STK39: variants seen among roughly 807,000 people sequenced by gnomAD.
STK39 encodes the protein STE20/SPS1-related proline-alanine-rich protein kinase.
Under a neutral mutation model 77.8 loss-of-function variants are expected in STK39, and 20 were observed. The ratio of observed to expected loss-of-function variants is 0.26; its 90% CI spans 0.18 to 0.37. The LOEUF (loss-of-function observed/expected upper bound fraction) is 0.37. STK39 is among the 10% of genes least tolerant of loss of function. The probability of loss-of-function intolerance (pLI) is 1.00; values close to 1 mark genes in which losing one functional copy is unlikely to be tolerated. For synonymous variants in STK39, 246 were observed against 234.1 expected (o/e 1.05, Z -0.47); for missense variants, 479 against 656.5 (o/e 0.73, Z 2.95).
intron 10 of STK39, among the ~76,000 whole-genome samples, chr2:168,114,309 A>G (rs2105475737): frequency 6.6e-6 from 1 of 152,342 alleles, no homozygotes; most frequent in South Asian, 2.1e-4. Context: ...AAAATAAAAG[A>G]CAATTCTCAC....
intron 16 of STK39, among the ~76,000 whole-genome samples, chr2:168,003,278 AC>A (rs1684047067): frequency 1.3e-5 from 2 of 152,132 alleles, no homozygotes; most frequent in African/African-American, 2.4e-5. Flanking sequence ...GCCTGGCCCA[AC>A]TGCTGAATAT....
At chr2:168,234,798 AG>A (rs1173821510) in intron 1 of STK39, among the ~76,000 whole-genome samples, 6 of 150,682 alleles carry the variant, frequency 4.0e-5, no homozygotes, top group African/African-American at 1.2e-4. Context: ...TAAAGACATA[AG>A]ATTTTTACTG....
intron 16 of STK39, among the ~76,000 whole-genome samples, chr2:167,998,213 T>G (rs756026189): frequency 2.0e-5 from 3 of 152,224 alleles, no homozygotes; most frequent in Non-Finnish European, 4.4e-5. Context: ...GCCCCAGCCC[T>G]CTATCCGGTT....
intron 16 of STK39, among the ~76,000 whole-genome samples, chr2:167,979,943 T>C (rs190111299): frequency 1.3e-5 from 2 of 152,346 alleles, no homozygotes; most frequent in Admixed American, 6.5e-5. Flanking sequence ...AGGTCTTATT[T>C]ACTTATGCTA....
intron 16 of STK39, among the ~76,000 whole-genome samples, chr2:167,965,986 C>T (rs1046534251): frequency 8.5e-5 from 13 of 152,106 alleles, no homozygotes; most frequent in Admixed American, 6.6e-5. Context: ...CTCAATATGG[C>T]CTATTTCTCT....
intron 14 of STK39, among the ~76,000 whole-genome samples, chr2:168,055,969 A>C (rs1211921360): frequency 1.3e-5 from 2 of 152,190 alleles, no homozygotes; most frequent in Non-Finnish European, 2.9e-5. Context: ...ATGATAATTC[A>C]ATTTTTTTGA....
intron 1 of STK39, among the ~76,000 whole-genome samples, chr2:168,236,075 T>C (rs1690598451): frequency 6.6e-6 from 1 of 151,790 alleles, no homozygotes; most frequent in East Asian, 1.9e-4. Flanking sequence ...CCACCAACAG[T>C]GTAAAAGTGT....
chr2:168,040,868 G>C (rs1337493547), intron 14 of STK39, among the ~76,000 whole-genome samples: 3 of 152,112 alleles, frequency 2.0e-5, no homozygotes, highest in Non-Finnish European at 4.4e-5. Flanking sequence ...CCTTGTTATA[G>C]AGTAAGCACT....
chr2:168,036,351 C>A (rs1318682431), intron 14 of STK39, among the ~76,000 whole-genome samples: 1 of 151,858 alleles, frequency 6.6e-6, no homozygotes, highest in African/African-American at 2.4e-5. Flanking sequence ...TACAAGGACT[C>A]CATCAGAGTC....
At chr2:168,073,622 T>G (rs1443564643) in intron 12 of STK39, among the ~76,000 whole-genome samples, 1 of 151,804 alleles carries the variant, frequency 6.6e-6, no homozygotes, top group Non-Finnish European at 1.5e-5. Context: ...AGGTCTCTGA[T>G]CAAAGCTTAT....
At chr2:168,098,303 T>C (rs989312924) in intron 10 of STK39, among the ~76,000 whole-genome samples, 2 of 152,154 alleles carry the variant, frequency 1.3e-5, no homozygotes, top group African/African-American at 4.8e-5. Flanking sequence ...GTCAGCACAA[T>C]CATTTTATAC....
At chr2:168,078,901 G>T (rs920684460) in intron 10 of STK39, among the ~76,000 whole-genome samples, 4 of 152,248 alleles carry the variant, frequency 2.6e-5, no homozygotes, top group East Asian at 1.9e-4. Context: ...CATATGGCAT[G>T]CTGACTACAG....
rs537759011 is a variant in STK39 at position 167,973,071 on chromosome 2, A to T, written c.1499-8345T>A. Among the ~76,000 whole-genome samples the T allele has an allele frequency of 7.9e-5, 12 of 152,300 alleles. No homozygotes were observed. The East Asian group carries it at 2.3e-3, about 29-fold the overall frequency. ...AAATAAAAAATTTGTCTGTGTAGTT[A>T]TATGTGTTATGTGTGTAATGTTTAT... On this transcript the variant is annotated intron_variant, in intron 16 of 17. Coordinates refer to ENST00000355999, the MANE Select transcript of STK39 (RefSeq NM_013233.3).
At chr2:168,229,235 T>C (rs1053129870) in intron 1 of STK39, among the ~76,000 whole-genome samples, 1 of 151,806 alleles carries the variant, frequency 6.6e-6, no homozygotes, top group Admixed American at 6.6e-5. Flanking sequence ...AATACAAAAA[T>C]TAGCCAGGTG....
chr2:167,958,058 A>G (rs546418868), intron 17 of STK39, among the ~76,000 whole-genome samples: 1 of 152,316 alleles, frequency 6.6e-6, no homozygotes, highest in South Asian at 2.1e-4. Context: ...CTTGCAAAGC[A>G]CAAATGAGGG....
chr2:167,997,092 CTGT>C (rs1333020535), intron 16 of STK39, among the ~76,000 whole-genome samples: 1 of 150,300 alleles, frequency 6.7e-6, no homozygotes, highest in African/African-American at 2.5e-5. Context: ...TGTATTTATT[CTGT>C]TGTTATTACA....
chr2:168,145,021 A>T (rs1260329916), intron 5 of STK39, among the ~76,000 whole-genome samples: 1 of 152,016 alleles, frequency 6.6e-6, no homozygotes, highest in African/African-American at 2.4e-5. Flanking sequence ...GTAGGATAAG[A>T]TGTATAAAAT....
intron 1 of STK39, among the ~76,000 whole-genome samples, chr2:168,228,949 T>G (rs1028993521): frequency 6.6e-6 from 1 of 152,172 alleles, no homozygotes; most frequent in Non-Finnish European, 1.5e-5. Flanking sequence ...TGTCTTCCAA[T>G]GTAATAAACA....
At chr2:167,992,757 T>C (rs1403844949) in intron 16 of STK39, among the ~76,000 whole-genome samples, 2 of 152,182 alleles carry the variant, frequency 1.3e-5, no homozygotes, top group Non-Finnish European at 2.9e-5. Context: ...ATAATTAAGG[T>C]TGAATTTCTG....
Sources: gnomAD v4.1 joint callset for allele counts (sites outside exome capture counted in the v4.1 genomes callset) on GRCh38, gnomAD v4.1.1 for gene constraint, MANE v1.5 for transcripts, NCBI Gene and HGNC (gene_info 2026-07-23, HGNC 2026-07-21) for gene names.